The following CPXM2 variants were observed in gnomAD, a reference collection of about 807,000 sequenced individuals.
CPXM2 encodes inactive carboxypeptidase-like protein X2.
CPXM2 carries 66 observed loss-of-function variants against 86.1 expected under a neutral mutation model. That is an observed-to-expected ratio of 0.77 (90% CI 0.63 to 0.94). CPXM2 has a LOEUF of 0.94. Among genes scored for constraint, CPXM2 ranks in the 40% least tolerant of loss-of-function variants. The pLI, the probability that CPXM2 is intolerant of heterozygous loss-of-function variation, is 0.00. For missense variants in CPXM2, 948 were observed against 1,026.3 expected (o/e 0.92, Z 1.04); for synonymous variants, 388 against 400.2 (o/e 0.97, Z 0.36).
chr10:123,856,261 A>G (rs144777571), intron 3 of CPXM2, among the ~76,000 whole-genome samples: 98 of 152,312 alleles, frequency 6.4e-4, no homozygotes, highest in African/African-American at 1.8e-3. Flanking sequence ...TGACTGACTT[A>G]CTGTAATTTA....
intron 5 of CPXM2, among the ~76,000 whole-genome samples, 189 bp downstream of exon 5, chr10:123,798,926 T>C (rs535052125): frequency 6.6e-6 from 1 of 152,308 alleles, no homozygotes; most frequent in African/African-American, 2.4e-5. Context: ...TTACATTAGC[T>C]CTAAATGTGT....
intron 3 of CPXM2, among the ~76,000 whole-genome samples, chr10:123,856,420 C>T (rs1168483900): frequency 6.6e-6 from 1 of 152,170 alleles, no homozygotes; most frequent in Non-Finnish European, 1.5e-5. Context: ...CCCCGAACCC[C>T]CTTCCTTAGT....
chr10:123,771,186 T>C (rs1846621012), intron 7 of CPXM2, 147 bp from the exon 8 acceptor site: 1 of 702,938 alleles, frequency 1.4e-6, no homozygotes, highest in African/African-American at 1.8e-5. Flanking sequence ...CTATCGCCTC[T>C]GCCCAGAACA....
At chr10:123,867,374 T>C (rs527811248) in intron 2 of CPXM2, among the ~76,000 whole-genome samples, 95 of 152,324 alleles carry the variant, frequency 6.2e-4, no homozygotes, top group African/African-American at 2.2e-3. Context: ...AGGAAAATTA[T>C]CTTTTGCTTT....
intron 2 of CPXM2, among the ~76,000 whole-genome samples, chr10:123,912,313 G>GT (rs1235532297): frequency 8.3e-6 from 1 of 120,706 alleles, no homozygotes; most frequent in Admixed American, 8.0e-5. Flanking sequence ...GTGGGCGGGG[G>GT]GGGGGGGGCA....
intron 2 of CPXM2, among the ~76,000 whole-genome samples, chr10:123,926,814 T>C (rs531358039): frequency 6.6e-6 from 1 of 152,360 alleles, no homozygotes; most frequent in East Asian, 1.9e-4. Context: ...CCCCAGGGCT[T>C]CTGAGCTGCT....
At chr10:123,750,760 T>G in intron 13 of CPXM2, 1 of 985,424 alleles carries the variant, frequency 1.0e-6, no homozygotes, top group Non-Finnish European at 1.2e-6. Flanking sequence ...ACAGTCAGAA[T>G]GAGGGGTGTT....
At position 123,746,865 on chromosome 10, in the gene CPXM2, C is replaced by T; in HGVS notation, c.2170G>A (p.Ala724Thr). 1 of 1,614,178 alleles carries T rather than the reference C, an allele frequency of 6.2e-7. No individual in the cohort carries two copies. The highest frequency in any genetic ancestry group is 1.7e-5 in the Admixed American group (1 of 60,022). ...TTCTCCATGATCTCTCGGATCCTGGCCATGTTGGTTTTGCTAAGTGTGAAG... is the reference window on the plus strand; with the variant it reads ...TTCTCCATGATCTCTCGGATCCTGGTCATGTTGGTTTTGCTAAGTGTGAAG... ...CDFTLSKTNM[A>T]RIREIMEKFG... The change falls in exon 14 of 14, where the codon GCC (alanine) becomes ACC (threonine). Residue 724 changes from alanine (A) to threonine (T), a missense_variant. Physicochemically the swap from Ala to Thr is moderately conservative, Grantham distance 58. Coordinates refer to ENST00000241305, the MANE Select transcript of CPXM2 (RefSeq NM_198148.3).
At chr10:123,913,838 C>T in intron 2 of CPXM2, 1 of 358,988 alleles carries the variant, frequency 2.8e-6, no homozygotes, top group Non-Finnish European at 5.5e-6. Flanking sequence ...TTAACCGGAT[C>T]TGTGGCATAC....
At chr10:123,930,556 G>C (rs1945659395) in intron 2 of CPXM2, among the ~76,000 whole-genome samples, 1 of 152,212 alleles carries the variant, frequency 6.6e-6, no homozygotes, top group Non-Finnish European at 1.5e-5. Flanking sequence ...AAGCAGCCCT[G>C]TCTTCCCCTT....
At chr10:123,772,320 T>C (rs1010783508) in intron 7 of CPXM2, among the ~76,000 whole-genome samples, 2 of 152,092 alleles carry the variant, frequency 1.3e-5, no homozygotes, top group Non-Finnish European at 2.9e-5. Context: ...ACCTCCCTGG[T>C]CATGGTTATC....
chr10:123,762,285 T>G, intron 10 of CPXM2, 116 bp from the exon 11 acceptor site: 1 of 1,428,556 alleles, frequency 7.0e-7, no homozygotes, highest in South Asian at 1.2e-5. Context: ...CTTAGTAAAG[T>G]TCAGAATTTC....
chr10:123,762,161 G>A lies in CPXM2; in HGVS notation c.1488C>T (p.Ala496=), dbSNP rs117528548. The stretch of plus-strand genomic sequence containing the variant: ...TCCAGGCTATGACTGCTCTGGTCTC[G>A]GCAGCCACCTGTGAACATCCCAAAT... ...WFLSENATVA[A]ETRAVIAWME... Residue 496 remains alanine (A), a synonymous_variant, in exon 11 of 14, where the codon GCC becomes GCT. Coordinates refer to ENST00000241305, the MANE Select transcript of CPXM2 (RefSeq NM_198148.3). 9.7e-3 allele frequency: 15,587 copies of A among 1,614,060 alleles called. 132 individuals carry two copies. The highest frequency in any genetic ancestry group is 0.03 in the South Asian group (2,712 of 91,064).
At chr10:123,895,102 TTTTTTTTTTC>T (rs1945324529), upstream of CPXM2, among the ~76,000 whole-genome samples, 1 of 141,262 alleles carries the variant, frequency 7.1e-6, no homozygotes. Flanking sequence ...AGACAGATTC[TTTTTTTTTTC>T]TTTTTTTTCT....
chr10:123,779,587 G>A lies in CPXM2; in HGVS notation c.978+580C>T, dbSNP rs188781482. 3.2e-3 allele frequency among the ~76,000 whole-genome samples: 485 copies of A among 152,286 alleles called. 1 individual carries two copies. The highest frequency in any genetic ancestry group is 5.5e-3 in the Non-Finnish European group (376 of 68,026). ...GATTCTACTTTAATTGGCCTGAGAC[G>A]GGGCTCAATTATCAGTAGCTTCACA... On this transcript the variant is annotated intron_variant, in intron 7 of 13. Transcript: ENST00000241305.
At chr10:123,797,914 G>T in intron 6 of CPXM2, 62 bp downstream of exon 6, 2 of 1,442,792 alleles carry the variant, frequency 1.4e-6, no homozygotes, top group South Asian at 3.3e-5. Context: ...ATTTGTCTTG[G>T]CTGGGCATCT....
At chr10:123,824,031 G>A (rs1311588209) in intron 4 of CPXM2, among the ~76,000 whole-genome samples, 4 of 152,014 alleles carry the variant, frequency 2.6e-5, no homozygotes, top group Admixed American at 2.6e-4. Context: ...CTCATTTTAG[G>A]GTCATTTTCT....
intron 7 of CPXM2, among the ~76,000 whole-genome samples, chr10:123,778,517 C>G (rs1025890234): frequency 1.3e-5 from 2 of 152,156 alleles, no homozygotes; most frequent in African/African-American, 2.4e-5. Context: ...CCTCTTGGCT[C>G]CAGTAGTGAT....
rs894811159 is a variant in CPXM2 at position 123,891,562 on chromosome 10, G to A, written c.98C>T (p.Pro33Leu). Residue 33 changes from proline to leucine, a missense_variant, in exon 1 of 14, where the codon CCT becomes CTT. Pro to Leu is a moderately conservative substitution (Grantham distance 98). Transcript: ENST00000241305. This position sits in a 1 kb window ranked among gnomAD's most constrained non-coding sequence, Gnocchi z 5.6. ...VGAQGAALED[P>L]DYYGQEIWSR... ...CCAGATCTCCTGCCCGTAATAATCA[G>A]GGTCCTCGAGGGCTGCGCCCTGGGC... 138 of 1,546,042 alleles carry A rather than the reference G, an allele frequency of 8.9e-5. No homozygotes were observed. Among genetic ancestry groups the A allele is most frequent in the Non-Finnish European group, 1.1e-4 (121 of 1,144,586 alleles).
Sources: gnomAD v4.1 joint callset for allele counts (sites outside exome capture counted in the v4.1 genomes callset) on GRCh38, gnomAD v4.1.1 for gene constraint, Gnocchi (gnomAD v3.1) non-coding constraint, MANE v1.5 for transcripts, NCBI Gene and HGNC (gene_info 2026-07-23, HGNC 2026-07-21) for gene names.